Variants in CTTNBP2 observed in about 807,000 individuals in gnomAD.
CTTNBP2 encodes the protein cortactin-binding protein 2.
Under a neutral mutation model 156.9 loss-of-function variants are expected in CTTNBP2, and 108 were observed. That is an observed-to-expected ratio of 0.69 (90% CI 0.59 to 0.81). CTTNBP2 has a LOEUF of 0.81. Among genes scored for constraint, CTTNBP2 ranks in the 30% least tolerant of loss-of-function variants. The pLI, the probability that CTTNBP2 is intolerant of heterozygous loss-of-function variation, is 0.00. For missense variants in CTTNBP2, 1,924 were observed against 2,035.4 expected, an observed-to-expected ratio of 0.95 and a Z score of 1.05; for synonymous variants, 767 against 751.8, an observed-to-expected ratio of 1.02 and a Z score of -0.33.
At position 117,861,244 on chromosome 7, in the gene CTTNBP2, G is replaced by A; in HGVS notation, c.154C>T (p.Leu52=). 2 of 1,613,634 alleles carry A rather than the reference G, an allele frequency of 1.2e-6. No homozygotes were observed. The highest frequency in any genetic ancestry group is 1.1e-5 in the South Asian group (1 of 90,908). Residue 52 remains leucine, a synonymous_variant, in exon 2 of 23, where the codon CTG becomes TTG. Transcript: ENST00000160373. ...TCGATGACAAGGTCTCTGGCCTCCA[G>A]CTCCCCTTCCATCACGCTGAGGAGC... is the stretch of plus-strand genomic sequence containing the variant. ...RMLLSVMEGE[L]EARDLVIEAL...
At chr7:117,823,340 T>G (rs553171625) in intron 2 of CTTNBP2, among the ~76,000 whole-genome samples, 1 of 152,312 alleles carries the variant, frequency 6.6e-6, no homozygotes, top group African/African-American at 2.4e-5. Context: ...TTTAAAAGAC[T>G]TTTTCATAAA....
chr7:117,833,709 C>G (rs1043422673), intron 2 of CTTNBP2, among the ~76,000 whole-genome samples: 1 of 152,178 alleles, frequency 6.6e-6, no homozygotes, highest in African/African-American at 2.4e-5. Context: ...CTCTGTCCTC[C>G]AAGGCTGGGC....
chr7:117,763,224 G>A (rs1367285586), intron 9 of CTTNBP2, among the ~76,000 whole-genome samples: 33 of 152,138 alleles, frequency 2.2e-4, no homozygotes, highest in Admixed American at 2.2e-3. Flanking sequence ...TACATCAAGT[G>A]GCTAAGATAG....
At chr7:117,860,219 G>A (rs1803620830) in intron 2 of CTTNBP2, among the ~76,000 whole-genome samples, 1 of 151,716 alleles carries the variant, frequency 6.6e-6, no homozygotes, top group Non-Finnish European at 1.5e-5. Flanking sequence ...GTATTAAATA[G>A]AAAAGAAGGA....
At position 117,724,653 on chromosome 7, in the gene CTTNBP2, C is replaced by T. The variant is rs1345490202; in HGVS notation, c.4341G>A (p.Lys1447=). 2 of 1,614,142 alleles carry T rather than the reference C, an allele frequency of 1.2e-6. No individual in the cohort carries two copies. Among genetic ancestry groups the T allele is most frequent in the South Asian group, 1.1e-5 (1 of 91,070 alleles). ...TCCAGGCACCACTCTCTCCTTTCTT[C>T]TTGTTACAAGTGTTATAACTGGAAA... ...SIVSSYNTCN[K]KKGESGAWRK... is the part of the protein sequence containing the mutation. The change falls in exon 19 of 23, where the codon AAG becomes AAA. Residue 1447 remains lysine (K), a synonymous_variant. Coordinates refer to ENST00000160373, the MANE Select transcript of CTTNBP2 (RefSeq NM_033427.3).
chr7:117,850,511 A>AG (rs148265761), intron 2 of CTTNBP2, among the ~76,000 whole-genome samples: 1,903 of 152,360 alleles, frequency 0.012, 27 homozygotes, highest in Non-Finnish European at 0.019. Context: ...TCTGCATACA[A>AG]GGAGAGATCA....
intron 2 of CTTNBP2, among the ~76,000 whole-genome samples, chr7:117,837,969 TA>T (rs1802053658): frequency 3.9e-5 from 6 of 152,148 alleles, no homozygotes; most frequent in Admixed American, 3.9e-4. Context: ...TCCCTTACAC[TA>T]GCCTAGCTAA....
chr7:117,843,446 T>C (rs951629970), intron 2 of CTTNBP2, among the ~76,000 whole-genome samples: 2 of 152,154 alleles, frequency 1.3e-5, no homozygotes, highest in African/African-American at 4.8e-5. Context: ...AGCAAACATC[T>C]AAAACAGTGA....
intron 2 of CTTNBP2, among the ~76,000 whole-genome samples, chr7:117,833,968 A>G (rs1445750027): frequency 6.6e-6 from 1 of 152,250 alleles, no homozygotes; most frequent in Non-Finnish European, 1.5e-5. Context: ...AGTCCTTTAA[A>G]AAATATATAC....
In CTTNBP2 at chr7:117,776,344, G is replaced by C. The variant is rs572786841; in HGVS notation, c.2778+1167C>G. On this transcript the variant is annotated intron_variant, in intron 8 of 22. Transcript: ENST00000160373. ...AATCTTCTTGATGTTGTTGCTAAAT[G>C]AATCTATTTAAAACTATTCAGTTGA... 4.9e-4 allele frequency among the ~76,000 whole-genome samples: 74 copies of C among 152,104 alleles called. 1 individual carries two copies. The highest frequency in any genetic ancestry group is 1.5e-4 in the Non-Finnish European group (10 of 68,028).
At chr7:117,836,655 C>T (rs934901478) in intron 2 of CTTNBP2, among the ~76,000 whole-genome samples, 3 of 152,122 alleles carry the variant, frequency 2.0e-5, no homozygotes, top group African/African-American at 2.4e-5. Flanking sequence ...ATACCTTAAG[C>T]GTCTGTATTA....
At chr7:117,858,077 G>A (rs1401894319) in intron 2 of CTTNBP2, among the ~76,000 whole-genome samples, 1 of 152,130 alleles carries the variant, frequency 6.6e-6, no homozygotes, top group East Asian at 1.9e-4. Flanking sequence ...AAAAGCTTCA[G>A]GAATCTCCAT....
At chr7:117,718,752 T>C (rs182621685) in intron 21 of CTTNBP2, among the ~76,000 whole-genome samples, 2 of 152,358 alleles carry the variant, frequency 1.3e-5, no homozygotes, top group African/African-American at 4.8e-5. Flanking sequence ...TAATTCTTTT[T>C]CTCATTTGCA....
chr7:117,804,701 A>T (rs1799829443), intron 3 of CTTNBP2, among the ~76,000 whole-genome samples: 1 of 152,220 alleles, frequency 6.6e-6, no homozygotes, highest in South Asian at 2.1e-4. Flanking sequence ...GTTCTCACTT[A>T]TAAGTGGGAG....
intron 2 of CTTNBP2, among the ~76,000 whole-genome samples, chr7:117,851,171 G>A (rs1370573596): frequency 6.6e-6 from 1 of 152,068 alleles, no homozygotes; most frequent in Non-Finnish European, 1.5e-5. Context: ...GGGAGGCTGA[G>A]GTAAGAGGAG....
chr7:117,711,323 G>T lies in CTTNBP2; in HGVS notation c.*214C>A. 4.1e-6 allele frequency: 2 copies of T among 482,610 alleles called. No homozygotes were observed. The highest frequency in any genetic ancestry group is 7.2e-6 in the Non-Finnish European group (2 of 277,536). 29.9% of individuals were successfully genotyped at this position (482,610 alleles called of 1,614,324 possible). A position where few individuals can be genotyped will look rare whatever the true frequency, so the allele number is the denominator to read the frequency against. On this transcript the variant is annotated 3_prime_UTR_variant, in exon 23 of 23. Coordinates refer to ENST00000160373, the MANE Select transcript of CTTNBP2 (RefSeq NM_033427.3). ...ACTTGAAAAGTTGGCATAACTTCCT[G>T]GTATTGAAGTTCAATCCTACAGAAT...
chr7:117,728,017 T>G, intron 17 of CTTNBP2, 72 bp downstream of exon 17: 177 of 1,320,462 alleles, frequency 1.3e-4, no homozygotes, highest in Middle Eastern at 1.9e-4. Flanking sequence ...CTGGTCAGCA[T>G]TCTCACCCTC....
chr7:117,760,273 A>G, intron 10 of CTTNBP2, 162 bp downstream of exon 10: 1 of 636,232 alleles, frequency 1.6e-6, no homozygotes. Context: ...GCAACATTAC[A>G]TAATGGCTAC....
intron 2 of CTTNBP2, among the ~76,000 whole-genome samples, chr7:117,838,077 A>G (rs1292792792): frequency 4.6e-5 from 7 of 152,214 alleles, no homozygotes; most frequent in Non-Finnish European, 8.8e-5. Flanking sequence ...GACCATAGAT[A>G]AGTGAAACAT....
Sources: gnomAD v4.1 joint callset for allele counts (sites outside exome capture counted in the v4.1 genomes callset) on GRCh38, gnomAD v4.1.1 for gene constraint, MANE v1.5 for transcripts, NCBI Gene and HGNC (gene_info 2026-07-23, HGNC 2026-07-21) for gene names.